CSMD1: variants seen among roughly 807,000 people sequenced by gnomAD.
The protein encoded by CSMD1 is CUB and sushi domain-containing protein 1.
In CSMD1, 213 loss-of-function variants were observed where a neutral mutation model predicts 417.5. That is an observed-to-expected ratio of 0.51 (90% CI 0.46 to 0.57). The LOEUF (loss-of-function observed/expected upper bound fraction) is 0.57. Ranked by LOEUF, CSMD1 falls within the 20% of genes least tolerant of loss-of-function variation. The pLI is 0.00. For missense variants in CSMD1, 6,923 were observed against 4,529.7 expected, an observed-to-expected ratio of 1.53 and a Z score of -15.17; for synonymous variants, 2,862 against 1,736.8, an observed-to-expected ratio of 1.65 and a Z score of -16.11.
At chr8:4,738,045 G>A (rs1190906192) in intron 1 of CSMD1, among the ~76,000 whole-genome samples, 1 of 152,108 alleles carries the variant, frequency 6.6e-6, no homozygotes, top group African/African-American at 2.4e-5. Flanking sequence ...TAAGAAAAGT[G>A]GTAATAGTAA....
chr8:3,970,808 A>G (rs980776232), intron 5 of CSMD1, among the ~76,000 whole-genome samples: 12 of 152,088 alleles, frequency 7.9e-5, no homozygotes, highest in African/African-American at 2.9e-4. Context: ...GCTGGAGTCC[A>G]GGGGCACCAT....
At chr8:4,245,800 A>T (rs561896520) in intron 3 of CSMD1, among the ~76,000 whole-genome samples, 35 of 152,338 alleles carry the variant, frequency 2.3e-4, no homozygotes, top group African/African-American at 8.2e-4. Context: ...TAACAAAATT[A>T]GGCAAAAAAT....
chr8:4,441,545 A>T (rs752120487), intron 2 of CSMD1, among the ~76,000 whole-genome samples: 11 of 152,184 alleles, frequency 7.2e-5, no homozygotes, highest in Non-Finnish European at 1.0e-4. Context: ...TGCAAAACAT[A>T]GAAGCACATG....
At chr8:3,982,198 A>ATAATAATAAT (rs67611582) in intron 5 of CSMD1, among the ~76,000 whole-genome samples, 58 of 81,006 alleles carry the variant, frequency 7.2e-4, no homozygotes, top group African/African-American at 2.1e-3. Context: ...AATATTAATA[A>ATAATAATAAT]AAAAAATAAT....
intron 10 of CSMD1, among the ~76,000 whole-genome samples, chr8:3,571,788 G>C (rs1210642712): frequency 6.6e-6 from 1 of 151,922 alleles, no homozygotes; most frequent in Non-Finnish European, 1.5e-5. Flanking sequence ...CCACTCCATG[G>C]TGTCTGCTCT....
chr8:4,205,337 T>G (rs1799913163), intron 3 of CSMD1, among the ~76,000 whole-genome samples: 1 of 152,250 alleles, frequency 6.6e-6, no homozygotes, highest in South Asian at 2.1e-4. Flanking sequence ...AAATAAGTAT[T>G]TAATGATTGA....
intron 61 of CSMD1, among the ~76,000 whole-genome samples, 155 bp from the exon 62 acceptor site, chr8:2,961,369 C>A (rs1404827273): frequency 6.6e-6 from 1 of 152,054 alleles, no homozygotes; most frequent in African/African-American, 2.4e-5. Flanking sequence ...TAAATTGCTA[C>A]TTTTATCTTC....
chr8:3,033,952 T>G (rs1364270164), intron 50 of CSMD1, among the ~76,000 whole-genome samples: 3 of 152,130 alleles, frequency 2.0e-5, no homozygotes. Flanking sequence ...GCAGCCTTGC[T>G]TCAGCCCATC....
intron 5 of CSMD1, among the ~76,000 whole-genome samples, chr8:3,897,403 ATG>A (rs1163444581): frequency 2.6e-5 from 4 of 152,290 alleles, no homozygotes; most frequent in Non-Finnish European, 5.9e-5. Context: ...ATAAAACAAA[ATG>A]TTTCTCAAAG....
chr8:4,350,707 T>C (rs1328441975), intron 3 of CSMD1, among the ~76,000 whole-genome samples: 5 of 152,334 alleles, frequency 3.3e-5, no homozygotes, highest in African/African-American at 1.2e-4. Flanking sequence ...GGTTGTCCAC[T>C]TCTCCTGCTG....
chr8:3,515,251 T>C (rs1018069400), intron 10 of CSMD1: 1 of 152,214 alleles, frequency 6.6e-6, no homozygotes, highest in African/African-American at 2.4e-5. Flanking sequence ...TTAATATAAA[T>C]AACAGCACTG....
At chr8:3,672,775 C>G (rs1249836147) in intron 7 of CSMD1, among the ~76,000 whole-genome samples, 1 of 152,172 alleles carries the variant, frequency 6.6e-6, no homozygotes, top group Non-Finnish European at 1.5e-5. Flanking sequence ...GCATATCAGG[C>G]TCTTCTCCTG....
chr8:3,257,715 A>G (rs1479674434), intron 26 of CSMD1, among the ~76,000 whole-genome samples: 2 of 152,062 alleles, frequency 1.3e-5, no homozygotes, highest in Non-Finnish European at 2.9e-5. Flanking sequence ...GTGGGCCTAG[A>G]GCCTTGTTGG....
At chr8:3,976,900 C>T (rs1364496426) in intron 5 of CSMD1, among the ~76,000 whole-genome samples, 1 of 152,120 alleles carries the variant, frequency 6.6e-6, no homozygotes, top group African/African-American at 2.4e-5. Flanking sequence ...AATTTGTTTG[C>T]AAATGACTTG....
chr8:4,360,900 T>G (rs1167831133), intron 3 of CSMD1, among the ~76,000 whole-genome samples: 1 of 152,306 alleles, frequency 6.6e-6, no homozygotes, highest in East Asian at 1.9e-4. Flanking sequence ...CCCCTGAAAG[T>G]AGAATTAGGC....
chr8:3,022,086 TACACCC>T (rs1809471839), intron 51 of CSMD1, among the ~76,000 whole-genome samples: 4 of 145,606 alleles, frequency 2.7e-5, no homozygotes, highest in East Asian at 2.1e-4. Context: ...GCATCCGGAA[TACACCC>T]GCAATCCCAC....
intron 26 of CSMD1, among the ~76,000 whole-genome samples, chr8:3,240,507 A>C (rs989678985): frequency 6.6e-6 from 1 of 151,822 alleles, no homozygotes; most frequent in Non-Finnish European, 1.5e-5. Flanking sequence ...TTTTTATGAG[A>C]ATTACGCCGA....
At chr8:3,053,980 CTGGA>C (rs113231945) in intron 49 of CSMD1, among the ~76,000 whole-genome samples, 28 of 152,242 alleles carry the variant, frequency 1.8e-4, no homozygotes, top group African/African-American at 6.3e-4. Context: ...GCGGGAAGGG[CTGGA>C]TGAAGAAATG....
intron 26 of CSMD1, among the ~76,000 whole-genome samples, chr8:3,263,189 C>T (rs538762512): frequency 1.3e-5 from 2 of 152,182 alleles, no homozygotes; most frequent in Non-Finnish European, 2.9e-5. Flanking sequence ...ACCCCTGCCT[C>T]CTGGGTTCAA....
Sources: gnomAD v4.1 joint callset for allele counts (sites outside exome capture counted in the v4.1 genomes callset) on GRCh38, gnomAD v4.1.1 for gene constraint, MANE v1.5 for transcripts, NCBI Gene and HGNC (gene_info 2026-07-23, HGNC 2026-07-21) for gene names.